The following EDIL3 variants were observed in gnomAD, a reference collection of about 807,000 sequenced individuals.
EDIL3 encodes EGF-like repeat and discoidin I-like domain-containing protein 3.
In EDIL3, 37 loss-of-function variants were observed where a neutral mutation model predicts 67.4. The ratio of observed to expected loss-of-function variants is 0.55; its 90% CI spans 0.42 to 0.72. The LOEUF is 0.72. Among genes scored for constraint, EDIL3 ranks in the 30% least tolerant of loss-of-function variants. The pLI is 0.00. For synonymous variants in EDIL3, 195 were observed against 196.3 expected (o/e 0.99, Z 0.05); for missense variants, 527 against 586.3 (o/e 0.90, Z 1.04).
intron 3 of EDIL3, among the ~76,000 whole-genome samples, chr5:84,204,110 G>T (rs1743908575): frequency 6.6e-6 from 1 of 152,140 alleles, no homozygotes; most frequent in South Asian, 2.1e-4. Flanking sequence ...AGTGAAGAAT[G>T]TTTACAACAT....
chr5:84,216,056 C>T (rs1373906693), intron 3 of EDIL3, among the ~76,000 whole-genome samples: 1 of 151,998 alleles, frequency 6.6e-6, no homozygotes, highest in East Asian at 1.9e-4. Context: ...GAAGATGCTG[C>T]CTTGGACTGT....
intron 3 of EDIL3, among the ~76,000 whole-genome samples, chr5:84,200,803 C>A (rs1351781490): frequency 6.6e-6 from 1 of 151,956 alleles, no homozygotes; most frequent in African/African-American, 2.4e-5. Context: ...CTTTGGAACG[C>A]ATTGGCATAA....
chr5:83,970,256 T>TTTTATATA (rs1486786326), intron 9 of EDIL3, among the ~76,000 whole-genome samples: 3 of 128,534 alleles, frequency 2.3e-5, no homozygotes, highest in East Asian at 2.1e-4. Context: ...GTGTCACTAA[T>TTTTATATA]TATATATATA....
chr5:84,045,156 C>A (rs991159220), intron 9 of EDIL3, among the ~76,000 whole-genome samples: 13 of 152,054 alleles, frequency 8.5e-5, no homozygotes, highest in African/African-American at 2.7e-4. Context: ...TATTCATTAC[C>A]ATGAGAGAGG....
At chr5:84,281,592 A>C (rs896739041) in intron 1 of EDIL3, among the ~76,000 whole-genome samples, 7 of 152,208 alleles carry the variant, frequency 4.6e-5, no homozygotes, top group African/African-American at 1.4e-4. Context: ...GGAAATGGCA[A>C]GTACACATTT....
At chr5:84,166,649 T>C (rs986726144) in intron 4 of EDIL3, among the ~76,000 whole-genome samples, 1 of 151,994 alleles carries the variant, frequency 6.6e-6, no homozygotes, top group Admixed American at 6.6e-5. Flanking sequence ...ATGTGGCAGA[T>C]GGTGATGAGT....
At chr5:84,042,938 A>G (rs1746158962) in intron 9 of EDIL3, among the ~76,000 whole-genome samples, 1 of 152,238 alleles carries the variant, frequency 6.6e-6, no homozygotes, top group African/African-American at 2.4e-5. Flanking sequence ...ACCAGCAGAC[A>G]GAAATTTACT....
chr5:84,177,880 T>C (rs1310433422), intron 4 of EDIL3, among the ~76,000 whole-genome samples: 2 of 152,190 alleles, frequency 1.3e-5, no homozygotes, highest in East Asian at 1.9e-4. Context: ...TTGTCACTCC[T>C]GTATCATGAA....
chr5:84,277,335 C>T (rs888893936), intron 1 of EDIL3, among the ~76,000 whole-genome samples: 1 of 152,090 alleles, frequency 6.6e-6, no homozygotes, highest in Non-Finnish European at 1.5e-5. Context: ...AGCAGACCCT[C>T]ACAGACACAA....
chr5:84,047,885 TA>T (rs1037539558), intron 9 of EDIL3: 4 of 152,548 alleles, frequency 2.6e-5, no homozygotes, highest in African/African-American at 9.6e-5. Flanking sequence ...GTTTTGTTTA[TA>T]AAAAGTTCTT....
At chr5:84,259,877 G>A (rs866461051) in intron 1 of EDIL3, among the ~76,000 whole-genome samples, 8 of 152,030 alleles carry the variant, frequency 5.3e-5, no homozygotes, top group African/African-American at 1.7e-4. Flanking sequence ...AAAAAAAACC[G>A]AAAAGCCTAA....
At chr5:84,080,559 T>C (rs35653486) in intron 6 of EDIL3, among the ~76,000 whole-genome samples, 2 of 152,160 alleles carry the variant, frequency 1.3e-5, no homozygotes, top group Non-Finnish European at 2.9e-5. Context: ...TTTCAAGTTG[T>C]GATTGTTATT....
intron 6 of EDIL3, among the ~76,000 whole-genome samples, chr5:84,091,688 A>T (rs571394136): frequency 6.6e-6 from 1 of 152,284 alleles, no homozygotes; most frequent in African/African-American, 2.4e-5. Context: ...CAGAAGATAA[A>T]CATGAAGAGA....
intron 1 of EDIL3, among the ~76,000 whole-genome samples, chr5:84,316,516 G>C (rs201164003): frequency 6.6e-6 from 1 of 152,028 alleles, no homozygotes; most frequent in Non-Finnish European, 1.5e-5. Context: ...ACAAAGAAGG[G>C]CATTACATAA....
chr5:84,334,235 T>G (rs1205333002), intron 1 of EDIL3, among the ~76,000 whole-genome samples: 1 of 152,008 alleles, frequency 6.6e-6, no homozygotes, highest in Non-Finnish European at 1.5e-5. Context: ...CTAATTTTTT[T>G]GTATTTTTAG....
chr5:84,238,663 A>ATTTTTTTT (rs371255305), intron 2 of EDIL3, among the ~76,000 whole-genome samples: 7 of 26,678 alleles, frequency 2.6e-4, no homozygotes, highest in African/African-American at 3.5e-4. Flanking sequence ...CTAAAATTAA[A>ATTTTTTTT]TGTTTTTTTT....
intron 9 of EDIL3, among the ~76,000 whole-genome samples, chr5:84,023,811 C>T (rs1011847922): frequency 6.6e-6 from 1 of 152,008 alleles, no homozygotes; most frequent in Admixed American, 6.6e-5. Context: ...GGTAAAATGA[C>T]AAATTATCTC....
At chr5:84,088,677 T>TTG (rs1220013214) in intron 6 of EDIL3, among the ~76,000 whole-genome samples, 2 of 152,120 alleles carry the variant, frequency 1.3e-5, no homozygotes, top group Non-Finnish European at 2.9e-5. Flanking sequence ...GATTGAAGCA[T>TTG]TAAGTATATA....
rs188082363 is a variant in EDIL3, at chr5:84,321,234, T to C, written c.67+63074A>G. Among the ~76,000 whole-genome samples, 7 of 152,290 alleles carry C rather than the reference T, an allele frequency of 4.6e-5. No homozygotes were observed. The East Asian group carries it at 1.3e-3, about 29-fold the overall frequency. On this transcript the variant is annotated intron_variant, in intron 1 of 10. Coordinates refer to ENST00000296591, the MANE Select transcript of EDIL3 (RefSeq NM_005711.5). Reference sequence around the variant, plus strand: ...GTATATCTGTTGGTGTTGAATTATCTCAGCTTCTGTTATTTTGAAAATATC... The same window carrying C: ...GTATATCTGTTGGTGTTGAATTATCCCAGCTTCTGTTATTTTGAAAATATC...
Sources: allele counts gnomAD v4.1 joint callset (sites outside exome capture counted in the v4.1 genomes callset), GRCh38; gene constraint gnomAD v4.1.1; transcripts MANE v1.5; gene names NCBI Gene and HGNC (gene_info 2026-07-23, HGNC 2026-07-21).